Variants in SUSD3 observed in about 807,000 individuals in gnomAD.
SUSD3 encodes sushi domain containing 3.
A neutral mutation model predicts 20.6 loss-of-function variants in SUSD3; 18 were observed. The observed-to-expected ratio is 0.87, with a 90% confidence interval of 0.60 to 1.30. SUSD3 has a LOEUF of 1.30. Among genes scored for constraint, SUSD3 ranks in the 50% most tolerant of loss-of-function variants. SUSD3 has a pLI of 0.00. For missense variants in SUSD3, 306 were observed against 346.9 expected (o/e 0.88, Z 0.94); for synonymous variants, 137 against 141.5 (o/e 0.97, Z 0.23).
At chr9:93,075,735 T>TGGGGGGGGGGGGG (rs1554748803) in intron 1 of SUSD3, 49 bp from the exon 2 acceptor site, 4 of 247,424 alleles carry the variant, frequency 1.6e-5, no homozygotes, top group East Asian at 1.1e-4. Context: ...CTGCCCTGCG[T>TGGGGGGGGGGGGG]GCCCACCCCC....
chr9:93,074,582 G>A (rs1216162213), intron 1 of SUSD3, among the ~76,000 whole-genome samples: 1 of 150,834 alleles, frequency 6.6e-6, no homozygotes, highest in Non-Finnish European at 1.5e-5. Flanking sequence ...GTTCTGAGGT[G>A]GGCTTCCCCA....
chr9:93,073,801 T>G (rs983438133), intron 1 of SUSD3, among the ~76,000 whole-genome samples: 2 of 152,234 alleles, frequency 1.3e-5, no homozygotes, highest in Non-Finnish European at 2.9e-5. Flanking sequence ...GCTGCTGATA[T>G]ATGCATAGCA....
At chr9:93,073,003 A>G (rs2118957424) in intron 1 of SUSD3, among the ~76,000 whole-genome samples, 1 of 152,130 alleles carries the variant, frequency 6.6e-6, no homozygotes, top group Admixed American at 6.5e-5. Flanking sequence ...TCCTGGCTGG[A>G]GATGTAGCAC....
At chr9:93,062,403 G>A (rs905867734) in intron 1 of SUSD3, among the ~76,000 whole-genome samples, 3 of 152,244 alleles carry the variant, frequency 2.0e-5, no homozygotes, top group Admixed American at 2.0e-4. Flanking sequence ...GGTAAGAAAT[G>A]CCCCAGCACT....
intron 4 of SUSD3, 39 bp from the exon 5 acceptor site, chr9:93,084,498 C>CCA (rs1421705540): frequency 1.3e-6 from 2 of 1,532,712 alleles, no homozygotes; most frequent in Admixed American, 3.9e-5. Flanking sequence ...TAAACCCTAT[C>CCA]CACACTCTTT....
At chr9:93,060,467 T>G (rs1825461437) in intron 1 of SUSD3, among the ~76,000 whole-genome samples, 1 of 152,150 alleles carries the variant, frequency 6.6e-6, no homozygotes, top group Non-Finnish European at 1.5e-5. Flanking sequence ...TGACCTCAGT[T>G]TCTTGCTCTG....
chr9:93,075,483 A>G (rs1564191455), intron 1 of SUSD3, among the ~76,000 whole-genome samples: 1 of 137,706 alleles, frequency 7.3e-6, no homozygotes, highest in African/African-American at 2.8e-5. Flanking sequence ...ATCAAAGGCC[A>G]TGCCTCAGTG....
chr9:93,080,773 G>A (rs866854379), intron 4 of SUSD3, among the ~76,000 whole-genome samples: 4 of 152,200 alleles, frequency 2.6e-5, no homozygotes, highest in Non-Finnish European at 4.4e-5. Flanking sequence ...TGCCAGATCC[G>A]CTCTTGCCTT....
intron 1 of SUSD3, among the ~76,000 whole-genome samples, chr9:93,065,544 G>A (rs80341177): frequency 5.9e-5 from 9 of 152,334 alleles, no homozygotes; most frequent in Non-Finnish European, 4.4e-5. Flanking sequence ...TGCAGAAGTC[G>A]CAGCTCTAAA....
chr9:93,083,700 T>C (rs1826520377), intron 4 of SUSD3, among the ~76,000 whole-genome samples: 1 of 152,230 alleles, frequency 6.6e-6, no homozygotes. Flanking sequence ...CGAAGCTGCC[T>C]TTCGTCTCCA....
At chr9:93,078,735 C>G (rs1381965982) in intron 3 of SUSD3, among the ~76,000 whole-genome samples, 1 of 152,144 alleles carries the variant, frequency 6.6e-6, no homozygotes, top group African/African-American at 2.4e-5. Flanking sequence ...GGTTTTTTCC[C>G]CATGGTAATT....
At chr9:93,083,564 C>T (rs529696755) in intron 4 of SUSD3, among the ~76,000 whole-genome samples, 1 of 152,328 alleles carries the variant, frequency 6.6e-6, no homozygotes, top group South Asian at 2.1e-4. Context: ...ACTCTTTTCA[C>T]CTAGGGGTGG....
chr9:93,075,736 G>GTCCCCC, intron 1 of SUSD3, 48 bp from the exon 2 acceptor site: 8 of 272,216 alleles, frequency 2.9e-5, no homozygotes, highest in South Asian at 5.8e-5. Flanking sequence ...TGCCCTGCGT[G>GTCCCCC]CCCACCCCCC....
chr9:93,068,772 T>C (rs561940681), intron 1 of SUSD3, among the ~76,000 whole-genome samples: 40 of 152,300 alleles, frequency 2.6e-4, no homozygotes, highest in African/African-American at 9.1e-4. Context: ...GTAGATTCAA[T>C]GAATACAGTA....
At chr9:93,076,305 G>A (rs1368375971) in intron 2 of SUSD3, among the ~76,000 whole-genome samples, 1 of 134,964 alleles carries the variant, frequency 7.4e-6, no homozygotes, top group Non-Finnish European at 1.5e-5. Flanking sequence ...AGGAAACTAT[G>A]TTTGTTCATT....
chr9:93,075,750 C>CCCCCCCCCCCCCCCCCCCA, intron 1 of SUSD3, 34 bp from the exon 2 acceptor site: 1 of 230,194 alleles, frequency 4.3e-6, no homozygotes, highest in South Asian at 4.5e-5. Context: ...ACCCCCCCCC[C>CCCCCCCCCCCCCCCCCCCA]CCCGCCATGC....
intron 3 of SUSD3, among the ~76,000 whole-genome samples, chr9:93,078,854 C>T (rs913804185): frequency 1.3e-5 from 2 of 151,662 alleles, no homozygotes; most frequent in Non-Finnish European, 2.9e-5. Flanking sequence ...GGCTGGAGTG[C>T]AGTGGCTCCA....
At chr9:93,078,207 C>T (rs1826253247) in intron 3 of SUSD3, among the ~76,000 whole-genome samples, 1 of 152,220 alleles carries the variant, frequency 6.6e-6, no homozygotes, top group African/African-American at 2.4e-5. Context: ...ACATGTGGGC[C>T]CCCAAGGCCC....
At chr9:93,069,942 G>A (rs1222092604) in intron 1 of SUSD3, among the ~76,000 whole-genome samples, 1 of 151,936 alleles carries the variant, frequency 6.6e-6, no homozygotes, top group African/African-American at 2.4e-5. Context: ...ACCCACACCC[G>A]GTTAATTTTT....
Sources: allele counts gnomAD v4.1 joint callset (sites outside exome capture counted in the v4.1 genomes callset), GRCh38; gene constraint gnomAD v4.1.1; transcripts MANE v1.5; gene names NCBI Gene and HGNC (gene_info 2026-07-23, HGNC 2026-07-21).